The following HTRA1 variants were observed in gnomAD, a reference collection of about 807,000 sequenced individuals.
HTRA1 encodes the protein serine protease HTRA1.
A neutral mutation model predicts 49.7 loss-of-function variants in HTRA1; 26 were observed. That is an observed-to-expected ratio of 0.52 (90% CI 0.38 to 0.73). HTRA1 has a LOEUF of 0.73. HTRA1 is among the 30% of genes least tolerant of loss of function. The pLI, the probability that HTRA1 is intolerant of heterozygous loss-of-function variation, is 0.00. For synonymous variants in HTRA1, 291 were observed against 286.9 expected, an observed-to-expected ratio of 1.01 and a Z score of -0.14; for missense variants, 561 against 667.2, an observed-to-expected ratio of 0.84 and a Z score of 1.75.
chr10:122,496,224 GGTTCT>G (rs1393363456), intron 3 of HTRA1, among the ~76,000 whole-genome samples: 1 of 32,064 alleles, frequency 3.1e-5, no homozygotes, highest in Non-Finnish European at 6.2e-5. Flanking sequence ...AGAGATTGTG[GGTTCT>G]TTTTTTTTTT....
chr10:122,474,133 A>G (rs1337787056), intron 1 of HTRA1, among the ~76,000 whole-genome samples: 1 of 152,210 alleles, frequency 6.6e-6, no homozygotes, highest in African/African-American at 2.4e-5. Context: ...TACGCACTGA[A>G]AGGAAAACAT....
chr10:122,512,810 T>A (rs1037487269), intron 8 of HTRA1, among the ~76,000 whole-genome samples: 4 of 152,182 alleles, frequency 2.6e-5, no homozygotes, highest in African/African-American at 9.6e-5. Context: ...ACCCAAGCAG[T>A]GTACACTGAA....
rs1266211572 is a variant in HTRA1, at chr10:122,461,677, C to T, written c.25C>T (p.Leu9Phe). 5 of 1,315,618 alleles carry T rather than the reference C, an allele frequency of 3.8e-6. No homozygotes were observed. Among genetic ancestry groups the T allele is most frequent in the Admixed American group, 5.4e-5 (2 of 36,942 alleles). 81.5% of individuals were successfully genotyped at this position (1,315,618 alleles called of 1,614,324 possible). MQIPRAAL[L>F]PLLLLLLAAP... ...CATGCAGATCCCGCGCGCCGCTCTT[C>T]TCCCGCTGCTGCTGCTGCTGCTGGC... The change falls in exon 1 of 9, where the codon CTC (leucine) becomes TTC (phenylalanine). Residue 9 changes from leucine to phenylalanine, a missense_variant. This residue lies in a region of HTRA1 where 111 missense variants were observed against 83.7 expected (regional missense o/e 1.33). Transcript: ENST00000368984.
At chr10:122,477,936 G>C (rs1239461333) in intron 1 of HTRA1, among the ~76,000 whole-genome samples, 1 of 152,220 alleles carries the variant, frequency 6.6e-6, no homozygotes, top group African/African-American at 2.4e-5. Context: ...AAGGAAGGGA[G>C]GCTGGGACAG....
intron 4 of HTRA1, among the ~76,000 whole-genome samples, 159 bp from the exon 5 acceptor site, chr10:122,507,211 A>AT (rs1426914368): frequency 6.6e-6 from 1 of 152,002 alleles, no homozygotes; most frequent in Non-Finnish European, 1.5e-5. Context: ...TGTTAAGGTC[A>AT]TTTTTTTCCG....
At chr10:122,501,454 T>C (rs569126307) in intron 3 of HTRA1, among the ~76,000 whole-genome samples, 4 of 152,312 alleles carry the variant, frequency 2.6e-5, no homozygotes, top group African/African-American at 9.6e-5. Context: ...CATTGTTAGG[T>C]GCTTGTATTG....
intron 6 of HTRA1, among the ~76,000 whole-genome samples, chr10:122,509,889 C>G (rs1037114840): frequency 6.6e-5 from 10 of 152,072 alleles, no homozygotes; most frequent in African/African-American, 2.4e-4. Context: ...AGGGTCATGC[C>G]CAGGTACCTG....
intron 7 of HTRA1, among the ~76,000 whole-genome samples, chr10:122,510,854 T>G (rs896023650): frequency 6.6e-6 from 1 of 152,250 alleles, no homozygotes; most frequent in Non-Finnish European, 1.5e-5. Flanking sequence ...ATTCACTCAC[T>G]GTGAAAGTAT....
rs199849828 is a variant in HTRA1, at chr10:122,489,642, C to T, written c.777+16C>T. On this transcript the variant is annotated intron_variant, in intron 3 of 8. Coordinates refer to ENST00000368984, the MANE Select transcript of HTRA1 (RefSeq NM_002775.5). ...TGACCACCAGGTAAGGGTGTTCTCGCCTGCAGAGGTGAGTTCTCAGATGCC... is the reference window on the plus strand; with the variant it reads ...TGACCACCAGGTAAGGGTGTTCTCGTCTGCAGAGGTGAGTTCTCAGATGCC... The T allele has an allele frequency of 6.2e-7, 1 of 1,610,014 alleles. No homozygotes were observed. Among genetic ancestry groups the T allele is most frequent in the African/African-American group, 1.3e-5 (1 of 74,786 alleles).
Position 122,462,087 on chromosome 10 carries a change from G to T in HTRA1, c.435G>T (p.Pro145=). The change falls in exon 1 of 9, where the codon CCG becomes CCT. Residue 145 remains proline (P), a synonymous_variant. Transcript: ENST00000368984. ...GCCGCTCCGAGAGGCTGCACCGGCC[G>T]CCGGTCATCGTCCTGCAGCGCGGAG... ...ASRRSERLHR[P]PVIVLQRGAC... The T allele has an allele frequency of 6.5e-7, 1 of 1,534,408 alleles. No homozygotes were observed. The highest frequency in any genetic ancestry group is 8.7e-7 in the Non-Finnish European group (1 of 1,146,650).
intron 3 of HTRA1, among the ~76,000 whole-genome samples, chr10:122,493,327 C>T (rs948515337): frequency 1.3e-5 from 2 of 152,172 alleles, no homozygotes; most frequent in Non-Finnish European, 2.9e-5. Context: ...GGAGGGAATC[C>T]CAGCTGCAGA....
intron 4 of HTRA1, 138 bp downstream of exon 4, chr10:122,507,023 G>T (rs938275203): frequency 2.5e-6 from 2 of 813,690 alleles, no homozygotes; most frequent in Non-Finnish European, 4.1e-6. Context: ...GTGGATTCTA[G>T]TGCCAGCAGC....
At chr10:122,479,453 G>GCAGGCTTT (rs762867898) in intron 1 of HTRA1, among the ~76,000 whole-genome samples, 67 of 152,292 alleles carry the variant, frequency 4.4e-4, no homozygotes, top group Non-Finnish European at 8.5e-4. Context: ...CTGCAGGCTT[G>GCAGGCTTT]CAGGCTTGCA....
chr10:122,478,085 G>A (rs1372289625), intron 1 of HTRA1, among the ~76,000 whole-genome samples: 2 of 152,182 alleles, frequency 1.3e-5, no homozygotes, highest in African/African-American at 4.8e-5. Flanking sequence ...CCTTAACCCT[G>A]AATCCTGGCC....
chr10:122,479,088 C>T (rs2097489860), intron 1 of HTRA1, among the ~76,000 whole-genome samples: 1 of 152,222 alleles, frequency 6.6e-6, no homozygotes, highest in Non-Finnish European at 1.5e-5. Flanking sequence ...GGATTCATTT[C>T]TTTTCCCTCG....
chr10:122,509,880 G>C (rs2097504812), intron 6 of HTRA1, among the ~76,000 whole-genome samples: 1 of 152,144 alleles, frequency 6.6e-6, no homozygotes, highest in Non-Finnish European at 1.5e-5. Flanking sequence ...GAGGAATTAA[G>C]GGTCATGCCC....
chr10:122,467,817 C>T (rs545130176), intron 1 of HTRA1, among the ~76,000 whole-genome samples: 2 of 152,014 alleles, frequency 1.3e-5, no homozygotes, highest in South Asian at 4.2e-4. Flanking sequence ...AATAGAGAAA[C>T]CGAGAAGTGT....
chr10:122,506,342 T>G lies in HTRA1; in HGVS notation c.778-349T>G, dbSNP rs2097503046. ...CCCCAAACCCTAAATTCATGTTGTCTTCCTCTGTCTCTTGGCCTCAAGGTT... is the reference window on the plus strand; with the variant it reads ...CCCCAAACCCTAAATTCATGTTGTCGTCCTCTGTCTCTTGGCCTCAAGGTT... On this transcript the variant is annotated intron_variant, in intron 3 of 8. Transcript: ENST00000368984. The surrounding 1 kb of genome is among the most constrained non-coding windows in gnomAD (Gnocchi z 5.2). Among the ~76,000 whole-genome samples the G allele has an allele frequency of 6.6e-6, 1 of 152,204 alleles. No individual in the cohort carries two copies. Among genetic ancestry groups the G allele is most frequent in the Non-Finnish European group, 1.5e-5 (1 of 68,024 alleles).
At chr10:122,475,543 G>A (rs17696741) in intron 1 of HTRA1, among the ~76,000 whole-genome samples, 13,356 of 152,336 alleles carry the variant, frequency 0.088, 783 homozygotes, top group Middle Eastern at 0.17. Context: ...TCCTGCTTGT[G>A]AATTCAGTGT....
Sources: allele counts gnomAD v4.1 joint callset (sites outside exome capture counted in the v4.1 genomes callset), GRCh38; gene constraint gnomAD v4.1.1; regional missense constraint gnomAD v4.1.1; non-coding constraint Gnocchi (gnomAD v3.1); transcripts MANE v1.5; gene names NCBI Gene and HGNC (gene_info 2026-07-23, HGNC 2026-07-21).